Variants in ADORA2B observed in about 807,000 individuals in gnomAD.
ADORA2B encodes adenosine receptor A2b.
ADORA2B carries 18 observed loss-of-function variants against 20.8 expected under a neutral mutation model. That is an observed-to-expected ratio of 0.87 (90% CI 0.60 to 1.29). The LOEUF (loss-of-function observed/expected upper bound fraction) is 1.29, where lower values mean the gene tolerates loss of function less well. Ranked by LOEUF, ADORA2B falls within the 50% of genes most tolerant of loss-of-function variation. The pLI, the probability that ADORA2B is intolerant of heterozygous loss-of-function variation, is 0.00. For missense variants in ADORA2B, 441 were observed against 422.7 expected (o/e 1.04, Z -0.38); for synonymous variants, 179 against 178.3 (o/e 1.00, Z -0.03).
chr17:15,932,362 A>G, the ADORA2B span, among the ~76,000 whole-genome samples: 1 of 152,044 alleles, frequency 6.6e-6, no homozygotes. Context: ...GTATGGTGGC[A>G]TATGCCTATA....
upstream of ADORA2B, among the ~76,000 whole-genome samples, chr17:15,943,409 C>T (rs372158440): frequency 4.6e-5 from 7 of 152,306 alleles, 1 homozygote; most frequent in South Asian, 8.3e-4. Context: ...TCACTGCAGC[C>T]TCGAACCCCT....
chr17:15,857,441 C>A, the ADORA2B span, among the ~76,000 whole-genome samples: 3 of 152,286 alleles, frequency 2.0e-5, no homozygotes, highest in South Asian at 6.2e-4. Context: ...TCCTCCAGAC[C>A]CCAGAATGGT....
At chr17:15,897,438 C>T in the ADORA2B span, among the ~76,000 whole-genome samples, 1 of 152,040 alleles carries the variant, frequency 6.6e-6, no homozygotes, top group Admixed American at 6.6e-5. Flanking sequence ...TGTGATGTTG[C>T]ATGTCTGTGA....
chr17:15,894,802 C>A, the ADORA2B span, among the ~76,000 whole-genome samples: 1 of 152,126 alleles, frequency 6.6e-6, no homozygotes, highest in African/African-American at 2.4e-5. Context: ...GATTACTCCA[C>A]ATCAGGATTT....
chr17:15,974,737 C>T lies in ADORA2B; in HGVS notation c.394C>T (p.Leu132Phe). Residue 132 changes from leucine (L) to phenylalanine (F), a missense_variant, in exon 2 of 2, where the codon CTT (leucine) becomes TTT (phenylalanine). Coordinates refer to ENST00000304222, the MANE Select transcript of ADORA2B (RefSeq NM_000676.4). ...AGGGGTCATTGCTGTCCTCTGGGTC[C>T]TTGCCTTTGGCATCGGATTGACTCC... ...ARGVIAVLWV[L>F]AFGIGLTPFL... 2 of 1,614,168 alleles carry T rather than the reference C, an allele frequency of 1.2e-6. No homozygotes were observed. The highest frequency in any genetic ancestry group is 4.5e-5 in the East Asian group (2 of 44,872).
the ADORA2B span, among the ~76,000 whole-genome samples, chr17:15,888,546 C>T: frequency 3.2e-5 from 4 of 126,774 alleles, no homozygotes; most frequent in Non-Finnish European, 6.6e-5. Flanking sequence ...AAGAATTGGA[C>T]TCCGTCTCTT....
the ADORA2B span, among the ~76,000 whole-genome samples, chr17:15,884,696 T>C: frequency 6.6e-6 from 1 of 152,206 alleles, no homozygotes; most frequent in African/African-American, 2.4e-5. Context: ...CTGTATTAGT[T>C]TGCTGAGGAT....
chr17:15,910,545 C>T, the ADORA2B span, among the ~76,000 whole-genome samples: 53 of 152,290 alleles, frequency 3.5e-4, no homozygotes, highest in South Asian at 6.0e-3. Context: ...GTGATTCACC[C>T]GCCTCGGCCT....
At chr17:15,873,250 T>C in the ADORA2B span, among the ~76,000 whole-genome samples, 1 of 152,202 alleles carries the variant, frequency 6.6e-6, no homozygotes, top group Non-Finnish European at 1.5e-5. Flanking sequence ...CAACTCAAGA[T>C]GTATCAAAGA....
chr17:15,937,254 T>G, the ADORA2B span, among the ~76,000 whole-genome samples: 1 of 152,252 alleles, frequency 6.6e-6, no homozygotes, highest in Non-Finnish European at 1.5e-5. Context: ...GGACAAATTC[T>G]GTGATGTCTG....
the ADORA2B span, among the ~76,000 whole-genome samples, chr17:15,921,448 A>C: frequency 2.6e-5 from 4 of 152,194 alleles, no homozygotes; most frequent in Non-Finnish European, 5.9e-5. Context: ...AAAATCAGAA[A>C]CTAGAAGATC....
the ADORA2B span, among the ~76,000 whole-genome samples, chr17:15,921,701 C>T: frequency 1.3e-5 from 2 of 152,074 alleles, no homozygotes; most frequent in African/African-American, 2.4e-5. Flanking sequence ...AAGAAACTTC[C>T]TCCCTTCTCA....
At chr17:15,928,383 CAG>C in the ADORA2B span, among the ~76,000 whole-genome samples, 1 of 150,390 alleles carries the variant, frequency 6.6e-6, no homozygotes, top group Non-Finnish European at 1.5e-5. Flanking sequence ...GGAAAGATAA[CAG>C]TGCATTCTCT....
At chr17:15,959,927 T>C (rs921906286) in intron 1 of ADORA2B, among the ~76,000 whole-genome samples, 2 of 152,262 alleles carry the variant, frequency 1.3e-5, no homozygotes, top group Non-Finnish European at 2.9e-5. Flanking sequence ...TTGCATTTAA[T>C]ATGTTCCTTT....
chr17:15,902,729 T>G, the ADORA2B span, among the ~76,000 whole-genome samples: 4 of 152,182 alleles, frequency 2.6e-5, no homozygotes, highest in Non-Finnish European at 4.4e-5. Context: ...CATGGGAGGA[T>G]GATTTCCCTG....
At chr17:15,864,548 G>C in the ADORA2B span, among the ~76,000 whole-genome samples, 1 of 152,110 alleles carries the variant, frequency 6.6e-6, no homozygotes, top group Non-Finnish European at 1.5e-5. Context: ...CCTGAAATGA[G>C]CTGATAGGGA....
chr17:15,940,187 A>G (rs971082014), upstream of ADORA2B, among the ~76,000 whole-genome samples: 10 of 152,366 alleles, frequency 6.6e-5, no homozygotes, highest in South Asian at 2.1e-4. Flanking sequence ...CCAAGAACTT[A>G]AAGCCCGTCA....
chr17:15,929,915 G>A, the ADORA2B span, among the ~76,000 whole-genome samples: 2 of 152,136 alleles, frequency 1.3e-5, no homozygotes, highest in East Asian at 1.9e-4. Context: ...TTTAAGTTTT[G>A]CAAGATGAGA....
chr17:15,899,805 A>G, the ADORA2B span, among the ~76,000 whole-genome samples: 5 of 150,732 alleles, frequency 3.3e-5, no homozygotes, highest in African/African-American at 1.2e-4. Flanking sequence ...GTAGTATTCC[A>G]TGGTGTTTAT....
Sources: allele counts gnomAD v4.1 joint callset (sites outside exome capture counted in the v4.1 genomes callset), GRCh38; gene constraint gnomAD v4.1.1; transcripts MANE v1.5; gene names NCBI Gene and HGNC (gene_info 2026-07-23, HGNC 2026-07-21).